The following SLC16A2 variants were observed in gnomAD, a reference collection of about 807,000 sequenced individuals.
SLC16A2 encodes monocarboxylate transporter 8.
Under a neutral mutation model 27.2 loss-of-function variants are expected in SLC16A2, and 3 were observed. The observed-to-expected ratio is 0.11, with a 90% CI of 0.05 to 0.28. The LOEUF (loss-of-function observed/expected upper bound fraction) is 0.28, where lower values mean the gene tolerates loss of function less well. Among genes scored for constraint, SLC16A2 ranks in the 10% least tolerant of loss-of-function variants. The pLI, the probability that SLC16A2 is intolerant of heterozygous loss-of-function variation, is 1.00. For missense variants in SLC16A2, 295 were observed against 458.5 expected, an observed-to-expected ratio of 0.64 and a Z score of 3.26; for synonymous variants, 202 against 187.8, an observed-to-expected ratio of 1.08 and a Z score of -0.62.
chrX:74,495,880 C>A (rs891517730), intron 1 of SLC16A2, among the ~76,000 whole-genome samples: 15 of 111,210 alleles, frequency 1.3e-4, no homozygotes, highest in African/African-American at 4.9e-4. Flanking sequence ...ATTTTCATCA[C>A]CACAACTCAA....
chrX:74,462,175 C>A lies in SLC16A2; in HGVS notation c.430+40108C>A, dbSNP rs191665190. Among the ~76,000 whole-genome samples the A allele has an allele frequency of 7.5e-4, 84 of 112,492 alleles. No individual in the cohort carries two copies. The East Asian group carries it at 0.02, about 26-fold the overall frequency. ...GCCCTTGCAGGCATCCAGAGAACAA[C>A]TGGAATCAAGGCCCTTTGTGCTTTC... On this transcript the variant is annotated intron_variant, in intron 1 of 5. Transcript: ENST00000587091.
intron 1 of SLC16A2, among the ~76,000 whole-genome samples, chrX:74,443,701 G>A: frequency 8.9e-6 from 1 of 112,204 alleles, no homozygotes; most frequent in Non-Finnish European, 1.9e-5. Flanking sequence ...ATGGGCTCAG[G>A]GAAGCCACTC....
chrX:74,440,439 T>C (rs1928721544), intron 1 of SLC16A2, among the ~76,000 whole-genome samples: 1 of 108,819 alleles, frequency 9.2e-6, no homozygotes, highest in Non-Finnish European at 1.9e-5. Flanking sequence ...GTGTGTTGGT[T>C]TGGGCAGTAG....
rs1260738808 is a variant in SLC16A2, at chrX:74,525,760, T to C, written c.1037T>C (p.Val346Ala). 2 of 1,209,764 alleles carry C rather than the reference T, an allele frequency of 1.7e-6. No individual in the cohort carries two copies. The highest frequency in any genetic ancestry group is 2.2e-6 in the Non-Finnish European group (2 of 895,144). The change falls in exon 4 of 6, where the codon GTG becomes GCG. Residue 346 changes from valine to alanine, a missense_variant. Val to Ala is a moderately conservative substitution (Grantham distance 64, BLOSUM62 0). Transcript: ENST00000587091. ...FVPYVHLMKY[V>A]EEEFSEIKET... Reference sequence around the variant, plus strand: ...TGCTATGCTTTTCAGATGAAGTATGTGGAGGAGGAGTTCTCAGAAATCAAG... The same window carrying C: ...TGCTATGCTTTTCAGATGAAGTATGCGGAGGAGGAGTTCTCAGAAATCAAG...
chrX:74,446,289 C>T (rs1602110024), intron 1 of SLC16A2, among the ~76,000 whole-genome samples: 1 of 111,318 alleles, frequency 9.0e-6, no homozygotes, highest in Non-Finnish European at 1.9e-5. Flanking sequence ...TTGGTCCTGT[C>T]CTTCCCTGGG....
At chrX:74,437,162 C>T (rs1046674584) in intron 1 of SLC16A2, among the ~76,000 whole-genome samples, 1 of 112,347 alleles carries the variant, frequency 8.9e-6, no homozygotes, top group Non-Finnish European at 1.9e-5. Context: ...ACCTCCTTGC[C>T]GGTTGGGACC....
chrX:74,466,571 G>A (rs777757011), intron 1 of SLC16A2, among the ~76,000 whole-genome samples: 32 of 112,153 alleles, frequency 2.9e-4, no homozygotes, highest in Non-Finnish European at 4.9e-4. Context: ...TGTTTAAGGA[G>A]TAATGACAAA....
At chrX:74,429,404 T>C (rs771218894) in intron 1 of SLC16A2, among the ~76,000 whole-genome samples, 8 of 108,535 alleles carry the variant, frequency 7.4e-5, no homozygotes, top group Non-Finnish European at 1.5e-4. Flanking sequence ...CCAAGGCGGT[T>C]GACGTTGCAA....
Position 74,506,933 on chromosome X carries a change from ATTTATTTTT to A in SLC16A2, c.431-14053_431-14045del, listed in dbSNP as rs1307553652. ...TATTTATTTATTTATTTATTTATTT[ATTTATTTTT>A]TTTTTTTTGAGGCAGGGTCTCGCTT... On this transcript the variant is annotated intron_variant, in intron 1 of 5. Transcript: ENST00000587091. Among the ~76,000 whole-genome samples, 14 of 29,948 alleles carry A rather than the reference ATTTATTTTT, an allele frequency of 4.7e-4. No homozygotes were observed. The East Asian group carries it at 5.4e-3, about 12-fold the overall frequency. 26.0% of individuals were successfully genotyped at this position (29,948 alleles called of 115,157 possible).
At chrX:74,506,931 TTA>T (rs1211888874) in intron 1 of SLC16A2, among the ~76,000 whole-genome samples, 1 of 29,281 alleles carries the variant, frequency 3.4e-5, no homozygotes, top group African/African-American at 6.2e-5. Flanking sequence ...ATTTATTTAT[TTA>T]TTTATTTTTT....
intron 1 of SLC16A2, among the ~76,000 whole-genome samples, chrX:74,501,800 T>C (rs1002911029): frequency 9.0e-6 from 1 of 111,340 alleles, no homozygotes; most frequent in Non-Finnish European, 1.9e-5. Context: ...TTTGGAGTCC[T>C]GTGTTCAAGC....
chrX:74,421,522 G>C lies in SLC16A2; in HGVS notation c.-116G>C, dbSNP rs774445181. The C allele has an allele frequency of 1.0e-6, 1 of 988,383 alleles. No individual in the cohort carries two copies. The highest frequency in any genetic ancestry group is 1.9e-5 in the African/African-American group (1 of 52,384). 81.5% of individuals were successfully genotyped at this position (988,383 alleles called of 1,213,427 possible). On this transcript the variant is annotated 5_prime_UTR_variant, in exon 1 of 6. Transcript: ENST00000587091. ...AGCTGGGGCGCGGAGCCTGGAGGAG[G>C]AGGCAGCGGCAGCGGCAGCAGCAGC...
intron 1 of SLC16A2, among the ~76,000 whole-genome samples, chrX:74,515,685 G>A (rs1406204017): frequency 9.0e-6 from 1 of 111,538 alleles, no homozygotes; most frequent in East Asian, 2.8e-4. Flanking sequence ...AAAACAGTAA[G>A]AGAGAAATGA....
chrX:74,495,214 AG>A (rs764814172), intron 1 of SLC16A2, among the ~76,000 whole-genome samples: 90 of 111,075 alleles, frequency 8.1e-4, no homozygotes, highest in Admixed American at 1.5e-3. Flanking sequence ...GTGGCAGGGG[AG>A]GGTGCACTGC....
At chrX:74,509,625 G>A (rs566464521) in intron 1 of SLC16A2, among the ~76,000 whole-genome samples, 8 of 110,986 alleles carry the variant, frequency 7.2e-5, no homozygotes, top group East Asian at 2.8e-4. Context: ...GTGCAGCGGC[G>A]CAATCTCGGC....
At chrX:74,521,521 C>T (rs1602141113) in intron 2 of SLC16A2, among the ~76,000 whole-genome samples, 1 of 112,213 alleles carries the variant, frequency 8.9e-6, no homozygotes, top group Non-Finnish European at 1.9e-5. Flanking sequence ...CTTTTTACAT[C>T]TCTTTCAACT....
chrX:74,522,716 G>A (rs1177251859), intron 2 of SLC16A2, among the ~76,000 whole-genome samples: 1 of 112,082 alleles, frequency 8.9e-6, no homozygotes, highest in Non-Finnish European at 1.9e-5. Flanking sequence ...CTTCTGGCAC[G>A]CTACTGTAGG....
At chrX:74,522,416 C>T (rs1271868921) in intron 2 of SLC16A2, among the ~76,000 whole-genome samples, 3 of 111,154 alleles carry the variant, frequency 2.7e-5, no homozygotes, top group African/African-American at 6.6e-5. Flanking sequence ...AGGGAAAAAC[C>T]GTGTCCTGCC....
intron 1 of SLC16A2, among the ~76,000 whole-genome samples, chrX:74,460,941 G>T: frequency 8.9e-6 from 1 of 111,830 alleles, no homozygotes; most frequent in Non-Finnish European, 1.9e-5. Context: ...GTGAGCCACT[G>T]TGCCCGGCCA....
Sources: allele counts gnomAD v4.1 joint callset (sites outside exome capture counted in the v4.1 genomes callset), GRCh38; gene constraint gnomAD v4.1.1; transcripts MANE v1.5; gene names NCBI Gene and HGNC (gene_info 2026-07-23, HGNC 2026-07-21).